Variants in ARFGEF2 observed in about 807,000 individuals in gnomAD.
ARFGEF2 encodes the protein ARF guanine nucleotide exchange factor 2.
Under a neutral mutation model 219.9 loss-of-function variants are expected in ARFGEF2, and 74 were observed. The observed-to-expected ratio is 0.34, with a 90% CI of 0.28 to 0.41. ARFGEF2 has a LOEUF of 0.41. Ranked by LOEUF, ARFGEF2 falls within the 10% of genes least tolerant of loss-of-function variation. The pLI is 1.00. For missense variants in ARFGEF2, 1,743 were observed against 2,218.3 expected (o/e 0.79, Z 4.30); for synonymous variants, 733 against 799.2 (o/e 0.92, Z 1.40).
intron 6 of ARFGEF2, among the ~76,000 whole-genome samples, chr20:48,962,189 A>T (rs2091157174): frequency 6.6e-6 from 1 of 152,206 alleles, no homozygotes; most frequent in African/African-American, 2.4e-5. Flanking sequence ...TCAAATAATA[A>T]ATAAAAAATA....
chr20:49,010,162 A>G lies in ARFGEF2; in HGVS notation c.3585-70A>G, dbSNP rs866572860. 1.9e-5 allele frequency: 29 copies of G among 1,551,410 alleles called. No homozygotes were observed. The African/African-American group carries it at 2.7e-4, about 14-fold the overall frequency. On this transcript the variant is annotated intron_variant, in intron 26 of 38. Transcript: ENST00000371917. ...AATGTTTAAGTGCTGCTTCTAAGGG[A>G]TGAGCTATGTTCATTTCTCTTCCCA...
Position 48,950,807 on chromosome 20 carries a change from AAAAAATATATATATATATATATAT to A in ARFGEF2, c.277-514_277-491del, listed in dbSNP as rs1465159103. 9.8e-3 allele frequency among the ~76,000 whole-genome samples: 438 copies of A among 44,820 alleles called. 8 individuals carry two copies. The highest frequency in any genetic ancestry group is 0.04 in the African/African-American group (414 of 10,426). The allele number at this position is 44,820 out of a possible 152,430, so 29.4% of individuals were successfully genotyped here. On this transcript the variant is annotated intron_variant, in intron 3 of 38. Coordinates refer to ENST00000371917, the MANE Select transcript of ARFGEF2 (RefSeq NM_006420.3). The stretch of plus-strand genomic sequence containing the variant: ...TAAGACCCTGTCTAAAAAAAAAAAA[AAAAAATATATATATATATATATAT>A]ATATATATATATATATGTATGTATA...
intron 1 of ARFGEF2, among the ~76,000 whole-genome samples, chr20:48,926,938 G>A (rs1269324607): frequency 3.9e-5 from 6 of 152,272 alleles, no homozygotes; most frequent in Middle Eastern, 3.4e-3. Flanking sequence ...TTTAATATAC[G>A]AGATTTAGGA....
At chr20:49,026,245 C>T (rs887264864) in intron 36 of ARFGEF2, among the ~76,000 whole-genome samples, 2 of 151,954 alleles carry the variant, frequency 1.3e-5, no homozygotes, top group African/African-American at 4.8e-5. Context: ...GTGGGAGAAT[C>T]ACTTGAGCCT....
At chr20:49,032,563 A>G (rs1488151017) in intron 38 of ARFGEF2, among the ~76,000 whole-genome samples, 1 of 152,164 alleles carries the variant, frequency 6.6e-6, no homozygotes, top group African/African-American at 2.4e-5. Flanking sequence ...AATATAACTG[A>G]AAGAAGCTTT....
chr20:49,019,535 C>T (rs140042262), intron 34 of ARFGEF2, among the ~76,000 whole-genome samples: 1 of 152,282 alleles, frequency 6.6e-6, no homozygotes, highest in East Asian at 1.9e-4. Flanking sequence ...AGGAGCAATA[C>T]TGCATTGAAT....
intron 21 of ARFGEF2, 73 bp downstream of exon 21, chr20:48,991,271 A>G: frequency 6.4e-7 from 1 of 1,571,344 alleles, no homozygotes; most frequent in Middle Eastern, 1.7e-4. Context: ...TGTTGATCTC[A>G]TTTGGTCAGT....
chr20:49,018,284 G>A (rs557312242), intron 33 of ARFGEF2, among the ~76,000 whole-genome samples: 1 of 152,224 alleles, frequency 6.6e-6, no homozygotes, highest in African/African-American at 2.4e-5. Flanking sequence ...CCAGGCTGGA[G>A]TGCAGCAGTG....
chr20:49,012,023 C>T lies in ARFGEF2; in HGVS notation c.3857C>T (p.Thr1286Met), dbSNP rs774121482. ...EFACNAAFPDTSMEAIRLIRF... is the reference protein window; with the variant it reads ...EFACNAAFPDMSMEAIRLIRF... The stretch of plus-strand genomic sequence containing the variant: ...GCCTGCAACGCCGCTTTCCCTGACA[C>T]GAGCATGGAAGCGATTCGGCTCATC... Residue 1286 changes from threonine (T) to methionine (M), a missense_variant, in exon 28 of 39, where the codon ACG becomes ATG. Around this residue, in one of 5 missense-constraint regions of ARFGEF2, gnomAD observed 578 missense variants for 664.0 expected, o/e 0.87. Coordinates refer to ENST00000371917, the MANE Select transcript of ARFGEF2 (RefSeq NM_006420.3). 9.3e-6 allele frequency: 15 copies of T among 1,614,110 alleles called. No individual in the cohort carries two copies. Among genetic ancestry groups the T allele is most frequent in the Admixed American group, 8.3e-5 (5 of 60,012 alleles).
chr20:49,034,252 A>G lies in ARFGEF2; in HGVS notation c.*1053A>G, dbSNP rs1453974440. The stretch of plus-strand genomic sequence containing the variant: ...CTCCTCAGCCAGATGTCATGGGTGG[A>G]ACTGGAGCTGTGTCGGGGCCAGCAC... On this transcript the variant is annotated 3_prime_UTR_variant, in exon 39 of 39. Coordinates refer to ENST00000371917, the MANE Select transcript of ARFGEF2 (RefSeq NM_006420.3). 1.3e-5 allele frequency: 2 copies of G among 152,268 alleles called. No homozygotes were observed. The highest frequency in any genetic ancestry group is 4.8e-5 in the African/African-American group (2 of 41,454). 9.4% of individuals were successfully genotyped at this position (152,268 alleles called of 1,614,324 possible).
At chr20:48,957,819 T>C (rs1366137127) in intron 6 of ARFGEF2, among the ~76,000 whole-genome samples, 3 of 152,216 alleles carry the variant, frequency 2.0e-5, no homozygotes, top group Non-Finnish European at 4.4e-5. Context: ...TCGGGCTTTC[T>C]GACTCTCCTT....
intron 16 of ARFGEF2, among the ~76,000 whole-genome samples, chr20:48,987,000 T>G (rs1281936768): frequency 1.3e-5 from 2 of 152,206 alleles, no homozygotes; most frequent in Admixed American, 1.3e-4. Context: ...CTACCACACC[T>G]GATTGAAACA....
At chr20:49,008,803 G>T (rs1215182134) in intron 26 of ARFGEF2, among the ~76,000 whole-genome samples, 1 of 150,368 alleles carries the variant, frequency 6.7e-6, no homozygotes, top group Non-Finnish European at 1.5e-5. Flanking sequence ...TGCCTCCCAG[G>T]TTCAAACTAT....
In ARFGEF2 at chr20:49,035,440, A is replaced by G. The variant is rs1238441575; in HGVS notation, c.*2241A>G. 6.6e-6 allele frequency: 1 copy of G among 152,190 alleles called. No individual in the cohort carries two copies. Among genetic ancestry groups the G allele is most frequent in the African/African-American group, 2.4e-5 (1 of 41,432 alleles). 9.4% of individuals were successfully genotyped at this position (152,190 alleles called of 1,614,324 possible). Reference sequence around the variant, plus strand: ...GGACTTTTAAAAAATTGGATGTAAAACCATTCAGGGTGATTTTTCTTGTCA... The same window carrying G: ...GGACTTTTAAAAAATTGGATGTAAAGCCATTCAGGGTGATTTTTCTTGTCA... On this transcript the variant is annotated 3_prime_UTR_variant, in exon 39 of 39. Transcript: ENST00000371917.
At chr20:48,932,179 A>G (rs997134246) in intron 1 of ARFGEF2, among the ~76,000 whole-genome samples, 1 of 152,158 alleles carries the variant, frequency 6.6e-6, no homozygotes, top group African/African-American at 2.4e-5. Context: ...ACTCCCTTAT[A>G]GCAGGAGAGA....
chr20:49,011,818 T>C, intron 27 of ARFGEF2, 106 bp from the exon 28 acceptor site: 1 of 1,277,652 alleles, frequency 7.8e-7, no homozygotes, highest in Admixed American at 1.7e-5. Flanking sequence ...TCACAGTTAA[T>C]TATCTCTGAT....
intron 1 of ARFGEF2, 131 bp from the exon 2 acceptor site, chr20:48,941,068 C>T (rs117864459): frequency 1.2e-6 from 1 of 807,966 alleles, no homozygotes; most frequent in African/African-American, 1.7e-5. Context: ...TCTTTCACTT[C>T]ATATCAGCAT....
intron 35 of ARFGEF2, among the ~76,000 whole-genome samples, chr20:49,023,947 A>G (rs1432585510): frequency 6.6e-6 from 1 of 151,722 alleles, no homozygotes; most frequent in Admixed American, 6.6e-5. Flanking sequence ...AACTTTCTAC[A>G]TATGGGATTC....
intron 25 of ARFGEF2, chr20:48,999,280 A>G (rs2091410291): frequency 2.2e-6 from 1 of 451,000 alleles, no homozygotes; most frequent in Admixed American, 2.4e-5. Context: ...GTAACAAGCC[A>G]AAGACCCATC....
Sources: allele counts gnomAD v4.1 joint callset (sites outside exome capture counted in the v4.1 genomes callset), GRCh38; gene constraint gnomAD v4.1.1; regional missense constraint gnomAD v4.1.1; transcripts MANE v1.5; gene names NCBI Gene and HGNC (gene_info 2026-07-23, HGNC 2026-07-21).